Variants in PLD5 observed in about 807,000 individuals in gnomAD.
PLD5 encodes the protein inactive phospholipase D5.
In PLD5, 36 loss-of-function variants were observed where a neutral mutation model predicts 61.1. That is an observed-to-expected ratio of 0.59 (90% CI 0.45 to 0.78). PLD5 has a LOEUF of 0.78. Among genes scored for constraint, PLD5 ranks in the 30% least tolerant of loss-of-function variants. PLD5 has a pLI of 0.00. For synonymous variants in PLD5, 243 were observed against 242.8 expected, an observed-to-expected ratio of 1.00 and a Z score of -0.01; for missense variants, 515 against 644.4, an observed-to-expected ratio of 0.80 and a Z score of 2.17.
intron 5 of PLD5, among the ~76,000 whole-genome samples, chr1:242,179,921 AGTGTGTGTGT>A (rs4039792): frequency 6.6e-6 from 1 of 150,442 alleles, no homozygotes; most frequent in African/African-American, 2.4e-5. Flanking sequence ...ACCAAAATTG[AGTGTGTGTGT>A]GTGTGTGTGT....
chr1:242,329,799 T>C (rs1173046809), intron 2 of PLD5, among the ~76,000 whole-genome samples: 3 of 152,312 alleles, frequency 2.0e-5, no homozygotes, highest in South Asian at 2.1e-4. Context: ...AGATGCTTTA[T>C]GTATGCTATC....
intron 1 of PLD5, among the ~76,000 whole-genome samples, chr1:242,498,028 G>A (rs187089125): frequency 2.0e-5 from 3 of 152,132 alleles, no homozygotes; most frequent in East Asian, 1.9e-4. Context: ...GCAATGATGC[G>A]ATCTCAGCTC....
intron 1 of PLD5, among the ~76,000 whole-genome samples, chr1:242,500,084 C>T (rs905581): frequency 0.35 from 52,801 of 151,870 alleles, 10,014 homozygotes; most frequent in East Asian, 0.61. Flanking sequence ...GTTCAGATGC[C>T]GCACAGTCTT....
intron 5 of PLD5, among the ~76,000 whole-genome samples, chr1:242,126,349 C>G (rs1432995314): frequency 6.6e-6 from 1 of 152,138 alleles, no homozygotes; most frequent in East Asian, 1.9e-4. Flanking sequence ...CCTGCATAGG[C>G]CAAAGCAAGA....
intron 1 of PLD5, among the ~76,000 whole-genome samples, chr1:242,466,554 G>T (rs1318747722): frequency 1.3e-5 from 2 of 152,132 alleles, no homozygotes; most frequent in African/African-American, 4.8e-5. Flanking sequence ...CTAAGTGAAA[G>T]AAGCCAGGCA....
At chr1:242,358,867 A>G (rs1293057514) in intron 1 of PLD5, among the ~76,000 whole-genome samples, 1 of 152,128 alleles carries the variant, frequency 6.6e-6, no homozygotes, top group Non-Finnish European at 1.5e-5. Flanking sequence ...TGAAACATTA[A>G]GCTTCAGTTT....
intron 3 of PLD5, among the ~76,000 whole-genome samples, chr1:242,271,581 A>G (rs1674088773): frequency 6.6e-6 from 1 of 152,132 alleles, no homozygotes; most frequent in Non-Finnish European, 1.5e-5. Context: ...AGCCTATGGA[A>G]GACAAAGACT....
In PLD5 at chr1:242,265,389, T is replaced by C; in HGVS notation, c.555A>G (p.Leu185=). 6.2e-7 allele frequency: 1 copy of C among 1,612,956 alleles called. No homozygotes were observed. Among genetic ancestry groups the C allele is most frequent in the Non-Finnish European group, 8.5e-7 (1 of 1,179,528 alleles). Reference sequence around the variant, plus strand: ...TTGAATCAGCTGTTACATCACTCACTAGCTTGATTTCAATATTTTGCGAAG... The same window carrying C: ...TTGAATCAGCTGTTACATCACTCACCAGCTTGATTTCAATATTTTGCGAAG... ...QLTSQNIEIK[L]VSDVTADSKV... is the part of the protein sequence containing the mutation. The change falls in exon 4 of 10, where the codon CTA becomes CTG. Residue 185 remains leucine, a synonymous_variant. Coordinates refer to ENST00000536534, the MANE Select transcript of PLD5 (RefSeq NM_001372062.1).
At chr1:242,204,241 C>T (rs1669179078) in intron 5 of PLD5, among the ~76,000 whole-genome samples, 1 of 145,192 alleles carries the variant, frequency 6.9e-6, no homozygotes, top group Non-Finnish European at 1.5e-5. Context: ...AGACTCTTGT[C>T]TCAAAAAAAA....
Position 242,454,022 on chromosome 1 carries a change from AGAT to A in PLD5, c.189+70063_189+70065del, listed in dbSNP as rs568730742. On this transcript the variant is annotated intron_variant, in intron 1 of 9. Coordinates refer to ENST00000536534, the MANE Select transcript of PLD5 (RefSeq NM_001372062.1). ...ACCCTTTAAAAGAGTCACATGGACAAGATGATACTTTCAAATTTAACTTCAGGC... is the reference window on the plus strand; with the variant it reads ...ACCCTTTAAAAGAGTCACATGGACAAGATACTTTCAAATTTAACTTCAGGC... Among the ~76,000 whole-genome samples, 340 of 152,302 alleles carry A rather than the reference AGAT, an allele frequency of 2.2e-3. 2 individuals are homozygous for A. Among genetic ancestry groups the A allele is most frequent in the African/African-American group, 7.6e-3 (315 of 41,574 alleles).
intron 1 of PLD5, among the ~76,000 whole-genome samples, chr1:242,512,395 G>A (rs866235172): frequency 7.5e-5 from 11 of 147,504 alleles, no homozygotes; most frequent in African/African-American, 1.3e-4. Context: ...ACTCCAGCCC[G>A]GGTGACAGAG....
chr1:242,167,446 A>C (rs1044461497), intron 5 of PLD5, among the ~76,000 whole-genome samples: 1 of 152,158 alleles, frequency 6.6e-6, no homozygotes, highest in African/African-American at 2.4e-5. Context: ...ATTCATTATC[A>C]TGAGAACAGC....
chr1:242,512,398 T>C lies in PLD5; in HGVS notation c.189+11690A>G, dbSNP rs562401491. Among the ~76,000 whole-genome samples, 6 of 132,674 alleles carry C rather than the reference T, an allele frequency of 4.5e-5. No individual in the cohort carries two copies. The South Asian group carries it at 7.0e-4, about 15-fold the overall frequency. 87.0% of individuals were successfully genotyped at this position (132,674 alleles called of 152,430 possible). ...TCGTGCCACTGCACTCCAGCCCGGG[T>C]GACAGAGACTCCATCTCAAAAAAAA... On this transcript the variant is annotated intron_variant, in intron 1 of 9. Transcript: ENST00000536534.
intron 1 of PLD5, among the ~76,000 whole-genome samples, chr1:242,484,389 C>T (rs1178931071): frequency 6.6e-6 from 1 of 152,104 alleles, no homozygotes; most frequent in African/African-American, 2.4e-5. Flanking sequence ...CACCACCAAT[C>T]CCACAGAAAT....
At chr1:242,482,236 G>T (rs1667804300) in intron 1 of PLD5, among the ~76,000 whole-genome samples, 1 of 152,200 alleles carries the variant, frequency 6.6e-6, no homozygotes, top group South Asian at 2.1e-4. Context: ...GAGAGAAGAA[G>T]GCTTCAGACA....
intron 2 of PLD5, among the ~76,000 whole-genome samples, chr1:242,301,870 C>T (rs1392686047): frequency 9.2e-5 from 14 of 151,578 alleles, no homozygotes; most frequent in African/African-American, 2.2e-4. Context: ...CTCCACCTCC[C>T]GGGTTCAAGC....
intron 7 of PLD5, 70 bp from the exon 8 acceptor site, chr1:242,107,909 A>G (rs1330234380): frequency 3.6e-5 from 50 of 1,382,664 alleles, no homozygotes; most frequent in Non-Finnish European, 4.7e-5. Flanking sequence ...ACTAGACAGC[A>G]TAGAACATTG....
At chr1:242,405,975 G>C (rs1213572652) in intron 1 of PLD5, among the ~76,000 whole-genome samples, 1 of 152,102 alleles carries the variant, frequency 6.6e-6, no homozygotes, top group Non-Finnish European at 1.5e-5. Context: ...AATGGCTGTA[G>C]TTTCTCAGCT....
chr1:242,172,637 C>A (rs1666834914), intron 5 of PLD5, among the ~76,000 whole-genome samples: 1 of 151,874 alleles, frequency 6.6e-6, no homozygotes, highest in Non-Finnish European at 1.5e-5. Flanking sequence ...TCTAGCCAAA[C>A]AAATAAACAA....
Sources: allele counts gnomAD v4.1 joint callset (sites outside exome capture counted in the v4.1 genomes callset), GRCh38; gene constraint gnomAD v4.1.1; transcripts MANE v1.5; gene names NCBI Gene and HGNC (gene_info 2026-07-23, HGNC 2026-07-21).